Variants in TTC23 observed in about 807,000 individuals in gnomAD.
The protein encoded by TTC23 is tetratricopeptide repeat protein 23.
TTC23 carries 58 observed loss-of-function variants against 55.1 expected under a neutral mutation model. The observed-to-expected ratio is 1.05, with a 90% CI of 0.85 to 1.31. The LOEUF (loss-of-function observed/expected upper bound fraction) is 1.31. TTC23 is among the 50% of genes most tolerant of loss of function. The pLI is 0.00. For synonymous variants in TTC23, 203 were observed against 199.9 expected (o/e 1.02, Z -0.13); for missense variants, 516 against 534.4 (o/e 0.97, Z 0.34).
intron 8 of TTC23, among the ~76,000 whole-genome samples, chr15:99,204,470 CAGA>C (rs1428995083): frequency 1.3e-5 from 2 of 151,902 alleles, no homozygotes; most frequent in African/African-American, 4.8e-5. Context: ...CTTTGCTGTG[CAGA>C]AGGCCTTTTA....
chr15:99,241,492 C>T lies in TTC23; in HGVS notation c.-241G>A, dbSNP rs900785226. 2.6e-5 allele frequency: 4 copies of T among 152,326 alleles called. No individual in the cohort carries two copies. Among genetic ancestry groups the T allele is most frequent in the African/African-American group, 9.7e-5 (4 of 41,420 alleles). 9.4% of individuals were successfully genotyped at this position (152,326 alleles called of 1,614,324 possible). On this transcript the variant is annotated 5_prime_UTR_variant, in exon 3 of 14. Coordinates refer to ENST00000394132, the MANE Select transcript of TTC23 (RefSeq NM_001288615.3). ...TCTTGCCAGCCGTGGGTTCAGCTTT[C>T]TAGGTCTCTGAATCACAACTGCCAA...
chr15:99,194,663 C>T (rs2075546524), intron 9 of TTC23, among the ~76,000 whole-genome samples: 1 of 151,862 alleles, frequency 6.6e-6, no homozygotes, highest in South Asian at 2.1e-4. Flanking sequence ...TAGCTGAGCG[C>T]AGTGGCTCAC....
At chr15:99,173,394 C>T (rs1350081426) in intron 10 of TTC23, among the ~76,000 whole-genome samples, 1 of 152,112 alleles carries the variant, frequency 6.6e-6, no homozygotes, top group Non-Finnish European at 1.5e-5. Context: ...AGTTCAAGAC[C>T]ATCCTTGGCA....
chr15:99,243,614 T>TA (rs1268684411), intron 2 of TTC23, among the ~76,000 whole-genome samples: 3 of 152,082 alleles, frequency 2.0e-5, no homozygotes, highest in African/African-American at 7.2e-5. Context: ...CATGAATGGA[T>TA]AAAAAAATGT....
At chr15:99,146,104 C>CTGGA (rs1319535536) in intron 12 of TTC23, among the ~76,000 whole-genome samples, 1 of 152,210 alleles carries the variant, frequency 6.6e-6, no homozygotes, top group Non-Finnish European at 1.5e-5. Context: ...GGCTACTGTA[C>CTGGA]TGGAGCAGGT....
chr15:99,189,705 A>G (rs1424290608), intron 9 of TTC23, among the ~76,000 whole-genome samples: 2 of 152,356 alleles, frequency 1.3e-5, no homozygotes, highest in South Asian at 2.1e-4. Flanking sequence ...TTCTTCAAAA[A>G]TTTCAATGTC....
At chr15:99,225,247 T>C (rs1291898796) in intron 5 of TTC23, among the ~76,000 whole-genome samples, 1 of 152,200 alleles carries the variant, frequency 6.6e-6, no homozygotes, top group Middle Eastern at 3.2e-3. Context: ...GGTCCAAATA[T>C]CCCTATTGGT....
At chr15:99,201,840 T>C (rs1216388358) in intron 8 of TTC23, among the ~76,000 whole-genome samples, 4 of 152,174 alleles carry the variant, frequency 2.6e-5, no homozygotes, top group African/African-American at 7.2e-5. Context: ...TATCATACTT[T>C]ATATTTGAAG....
intron 12 of TTC23, among the ~76,000 whole-genome samples, chr15:99,147,268 C>T (rs1189713668): frequency 2.8e-5 from 4 of 141,488 alleles, no homozygotes; most frequent in Non-Finnish European, 6.1e-5. Flanking sequence ...CTCTGTCACC[C>T]AGGCTGGAGT....
intron 3 of TTC23, among the ~76,000 whole-genome samples, chr15:99,236,450 T>C (rs547708417): frequency 1.3e-5 from 2 of 152,214 alleles, no homozygotes; most frequent in South Asian, 2.1e-4. Context: ...TAAATGTCTA[T>C]TGGAGTCCTT....
intron 11 of TTC23, chr15:99,157,757 G>C (rs989257538): frequency 2.0e-5 from 3 of 152,170 alleles, no homozygotes; most frequent in Non-Finnish European, 4.4e-5. Flanking sequence ...TTATGAATTG[G>C]TCAGGACATA....
intron 11 of TTC23, chr15:99,157,131 CTTTTTTTTT>C (rs35708998): frequency 1.7e-3 from 217 of 125,048 alleles, no homozygotes; most frequent in African/African-American, 6.5e-3. Context: ...ATCTTCATAC[CTTTTTTTTT>C]TTTTTTTTTT....
At position 99,142,022 on chromosome 15, in the gene TTC23, G is replaced by A. The variant is rs117536480; in HGVS notation, c.1144-2623C>T. On this transcript the variant is annotated intron_variant, in intron 12 of 13. Coordinates refer to ENST00000394132, the MANE Select transcript of TTC23 (RefSeq NM_001288615.3). Reference sequence around the variant, plus strand: ...TGCACGGGGACCTTGGCCTGGCCTAGGCAATGGGCTGAGCTGCTCATTCCA... The same window carrying A: ...TGCACGGGGACCTTGGCCTGGCCTAAGCAATGGGCTGAGCTGCTCATTCCA... Among the ~76,000 whole-genome samples the A allele has an allele frequency of 3.9e-4, 60 of 152,258 alleles. No homozygotes were observed. In the East Asian group the frequency reaches 0.01, roughly 26 times the overall value.
intron 3 of TTC23, among the ~76,000 whole-genome samples, chr15:99,238,223 C>G (rs2079487110): frequency 6.6e-6 from 1 of 152,130 alleles, no homozygotes; most frequent in African/African-American, 2.4e-5. Context: ...CCCACCTCGG[C>G]CTCCCAAAGT....
At chr15:99,244,100 T>G (rs572047047) in intron 2 of TTC23, among the ~76,000 whole-genome samples, 1 of 152,154 alleles carries the variant, frequency 6.6e-6, no homozygotes, top group African/African-American at 2.4e-5. Flanking sequence ...CATAAATATA[T>G]ACACCTACTA....
chr15:99,137,955 A>G lies in TTC23; in HGVS notation c.*55T>C. On this transcript the variant is annotated 3_prime_UTR_variant, in exon 14 of 14. Coordinates refer to ENST00000394132, the MANE Select transcript of TTC23 (RefSeq NM_001288615.3). ...TTTTCTAGGCGGAGGTGATTTGTACAGCACCCTAAATGACAGTGCCCAGGA... is the reference window on the plus strand; with the variant it reads ...TTTTCTAGGCGGAGGTGATTTGTACGGCACCCTAAATGACAGTGCCCAGGA... 10 of 1,608,932 alleles carry G rather than the reference A, an allele frequency of 6.2e-6. No homozygotes were observed. Among genetic ancestry groups the G allele is most frequent in the African/African-American group, 1.3e-5 (1 of 74,878 alleles).
At position 99,218,972 on chromosome 15, in the gene TTC23, A is replaced by G. The variant is rs766753255; in HGVS notation, c.381T>C (p.Ser127=). The G allele has an allele frequency of 6.2e-7, 1 of 1,614,114 alleles. No homozygotes were observed. The highest frequency in any genetic ancestry group is 1.1e-5 in the South Asian group (1 of 91,080). Residue 127 remains serine (S), a synonymous_variant, in exon 7 of 14, where the codon AGT becomes AGC. Transcript: ENST00000394132. ...ILANSIVPPY[S]ENTDVFKFSI... ...AAAACTTGAAAACATCTGTATTCTC[A>G]CTATAGGGAGGCACAATGGAGTTGG...
chr15:99,139,581 G>A, intron 12 of TTC23, 182 bp from the exon 13 acceptor site: 8 of 1,539,474 alleles, frequency 5.2e-6, no homozygotes, highest in Non-Finnish European at 7.0e-6. Flanking sequence ...AGGGATCTAG[G>A]CAAAAGTGAA....
At chr15:99,226,106 A>G (rs1453805422) in intron 5 of TTC23, among the ~76,000 whole-genome samples, 2 of 152,218 alleles carry the variant, frequency 1.3e-5, no homozygotes, top group African/African-American at 4.8e-5. Context: ...AGGTTAAGCA[A>G]TTGTTTCAGA....
Sources: gnomAD v4.1 joint callset for allele counts (sites outside exome capture counted in the v4.1 genomes callset) on GRCh38, gnomAD v4.1.1 for gene constraint, MANE v1.5 for transcripts, NCBI Gene and HGNC (gene_info 2026-07-23, HGNC 2026-07-21) for gene names.